Variants in PTDSS2 observed in about 807,000 individuals in gnomAD.
PTDSS2 encodes phosphatidylserine synthase 2, also known as PSS-2.
In PTDSS2, 41 loss-of-function variants were observed where a neutral mutation model predicts 64.7. The observed-to-expected ratio is 0.63, with a 90% CI of 0.49 to 0.82. The LOEUF is 0.82. PTDSS2 is among the 40% of genes least tolerant of loss of function. The pLI is 0.00. For synonymous variants in PTDSS2, 297 were observed against 277.8 expected (o/e 1.07, Z -0.69); for missense variants, 485 against 650.0 (o/e 0.75, Z 2.76).
At position 487,075 on chromosome 11, in the gene PTDSS2, T is replaced by C. The variant is rs1347701225; in HGVS notation, c.570+2T>C. 1 of 1,611,726 alleles carries C rather than the reference T, an allele frequency of 6.2e-7. No homozygotes were observed. The highest frequency in any genetic ancestry group is 8.5e-7 in the Non-Finnish European group (1 of 1,179,122). The stretch of plus-strand genomic sequence containing the variant: ...ACTGACCCCTTTCACAACATCTGGG[T>C]AAGACGCCGGGGGCCCTGAGGCGAG... On this transcript the variant is annotated splice_donor_variant, in intron 5 of 11. Transcript: ENST00000308020. LOFTEE classifies it high-confidence loss of function.
intron 7 of PTDSS2, 99 bp downstream of exon 7, chr11:488,411 C>T (rs1479827151): frequency 1.4e-5 from 18 of 1,328,354 alleles, no homozygotes; most frequent in Admixed American, 8.4e-5. Context: ...TCATTCTCCC[C>T]GGGGGGCAGT....
rs558396752 is a variant in PTDSS2, at chr11:490,789, C to T, written c.*207C>T. 2.4e-4 allele frequency: 143 copies of T among 605,826 alleles called. No individual in the cohort carries two copies. The highest frequency in any genetic ancestry group is 1.9e-3 in the African/African-American group (99 of 52,610). 37.5% of individuals were successfully genotyped at this position (605,826 alleles called of 1,614,324 possible). A position where few individuals can be genotyped will look rare whatever the true frequency, so the allele number is the denominator to read the frequency against. On this transcript the variant is annotated 3_prime_UTR_variant, in exon 12 of 12. Coordinates refer to ENST00000308020, the MANE Select transcript of PTDSS2 (RefSeq NM_030783.3). Reference sequence around the variant, plus strand: ...GTGTACACGTGTGTACGTGTGTATGCGTGTGTGTACGCGTGTGTACGCGCG... The same window carrying T: ...GTGTACACGTGTGTACGTGTGTATGTGTGTGTGTACGCGTGTGTACGCGCG...
At chr11:487,095 G>A (rs761983783) in intron 5 of PTDSS2, 22 bp downstream of exon 5, 2 of 1,605,510 alleles carry the variant, frequency 1.2e-6, no homozygotes, top group Non-Finnish European at 1.7e-6. Flanking sequence ...GGGGCCCTGA[G>A]GCGAGCCCCT....
At chr11:490,225 G>A (rs772517327) in intron 11 of PTDSS2, among the ~76,000 whole-genome samples, 157 bp downstream of exon 11, 1 of 152,156 alleles carries the variant, frequency 6.6e-6, no homozygotes, top group Non-Finnish European at 1.5e-5. Context: ...CCCAGCCCTC[G>A]GGGCCTTCGC....
At position 490,787 on chromosome 11, in the gene PTDSS2, T is replaced by TGCGTGTGTACGCGTGTAC. The variant is rs1554958712; in HGVS notation, c.*213_*214insACGCGTGTACGCGTGTGT. 2.8e-5 allele frequency: 16 copies of TGCGTGTGTACGCGTGTAC among 574,018 alleles called. No individual in the cohort carries two copies. Among genetic ancestry groups the TGCGTGTGTACGCGTGTAC allele is most frequent in the Admixed American group, 7.2e-5 (2 of 27,858 alleles). 35.6% of individuals were successfully genotyped at this position (574,018 alleles called of 1,614,324 possible). On this transcript the variant is annotated 3_prime_UTR_variant, in exon 12 of 12. Transcript: ENST00000308020. Reference sequence around the variant, plus strand: ...ATGTGTACACGTGTGTACGTGTGTATGCGTGTGTGTACGCGTGTGTACGCG... The same window carrying TGCGTGTGTACGCGTGTAC: ...ATGTGTACACGTGTGTACGTGTGTATGCGTGTGTACGCGTGTACGCGTGTGTGTACGCGTGTGTACGCG...
In PTDSS2 at chr11:462,328, G is replaced by C. The variant is rs1185378474; in HGVS notation, c.284+2040G>C. 2.6e-5 allele frequency among the ~76,000 whole-genome samples: 4 copies of C among 152,138 alleles called. No individual in the cohort carries two copies. Among genetic ancestry groups the C allele is most frequent in the Admixed American group, 1.3e-4 (2 of 15,278 alleles). ...GAGTGGCCCCCGACGTGAGAGGCTGGGTTCTGCCATCCTGTCCTCTCCAGC... is the reference window on the plus strand; with the variant it reads ...GAGTGGCCCCCGACGTGAGAGGCTGCGTTCTGCCATCCTGTCCTCTCCAGC... On this transcript the variant is annotated intron_variant, in intron 2 of 11. Coordinates refer to ENST00000308020, the MANE Select transcript of PTDSS2 (RefSeq NM_030783.3). The surrounding 1 kb of genome is among the most constrained non-coding windows in gnomAD (Gnocchi z 4.5).
intron 1 of PTDSS2, among the ~76,000 whole-genome samples, chr11:456,417 TC>T (rs1846600674): frequency 6.6e-6 from 1 of 151,506 alleles, no homozygotes; most frequent in Admixed American, 6.6e-5. Context: ...GCTCAAGTGA[TC>T]CTCCTGCCTC....
At chr11:456,096 T>G (rs950805164) in intron 1 of PTDSS2, among the ~76,000 whole-genome samples, 11 of 152,128 alleles carry the variant, frequency 7.2e-5, no homozygotes, top group Non-Finnish European at 1.6e-4. Context: ...CTCCTGGCTG[T>G]CATCACGTCG....
Position 470,248 on chromosome 11 carries a change from A to G in PTDSS2, c.285-3647A>G, listed in dbSNP as rs1847359484. Among the ~76,000 whole-genome samples the G allele has an allele frequency of 1.3e-5, 2 of 152,180 alleles. No homozygotes were observed. The highest frequency in any genetic ancestry group is 2.1e-4 in the South Asian group (1 of 4,834). ...AGGTCAGCATGCACTGGTCATGTTC[A>G]TGGCGTGGCCGACGGGGAGGCTGCT... is the stretch of plus-strand genomic sequence containing the variant. On this transcript the variant is annotated intron_variant, in intron 2 of 11. Transcript: ENST00000308020. The surrounding 1 kb of genome is among the most constrained non-coding windows in gnomAD (Gnocchi z 5.3).
intron 1 of PTDSS2, chr11:459,309 G>A (rs1168684592): frequency 1.5e-5 from 2 of 131,882 alleles, no homozygotes; most frequent in African/African-American, 6.2e-5. Flanking sequence ...CACTCCGGTG[G>A]ATGTCGGACC....
chr11:480,726 T>C (rs1051603191), intron 4 of PTDSS2: 2 of 152,394 alleles, frequency 1.3e-5, no homozygotes, highest in African/African-American at 4.8e-5. Flanking sequence ...GCGCCACTAA[T>C]TTATTGTATT....
intron 4 of PTDSS2, among the ~76,000 whole-genome samples, chr11:485,177 G>A (rs1430588641): frequency 7.2e-6 from 1 of 139,054 alleles, no homozygotes; most frequent in Non-Finnish European, 1.5e-5. Context: ...TGCTCACTGC[G>A]CAGGCGAGTG....
In PTDSS2 at chr11:470,089, G is replaced by T. The variant is rs1847349211; in HGVS notation, c.285-3806G>T. ...GGTAGATCCCCCCATTCCAGGAGCT[G>T]GCGTGAGCTCCCGGCACCGCTGTGC... On this transcript the variant is annotated intron_variant, in intron 2 of 11. Coordinates refer to ENST00000308020, the MANE Select transcript of PTDSS2 (RefSeq NM_030783.3). The surrounding 1 kb of genome is among the most constrained non-coding windows in gnomAD (Gnocchi z 5.3). Among the ~76,000 whole-genome samples, 2 of 152,216 alleles carry T rather than the reference G, an allele frequency of 1.3e-5. No homozygotes were observed. The highest frequency in any genetic ancestry group is 1.3e-4 in the Admixed American group (2 of 15,286).
intron 4 of PTDSS2, among the ~76,000 whole-genome samples, chr11:485,694 T>C: frequency 7.6e-6 from 1 of 131,712 alleles, no homozygotes; most frequent in Non-Finnish European, 1.7e-5. Context: ...GGCGCGTGTG[T>C]GCTCACTGCG....
chr11:463,769 A>G (rs1195821190), intron 2 of PTDSS2: 1 of 151,834 alleles, frequency 6.6e-6, no homozygotes, highest in East Asian at 1.9e-4. Flanking sequence ...GATGGTCTCG[A>G]TCTCCTGACT....
chr11:473,047 A>G (rs1847552132), intron 2 of PTDSS2, among the ~76,000 whole-genome samples: 1 of 152,242 alleles, frequency 6.6e-6, no homozygotes, highest in African/African-American at 2.4e-5. Context: ...GCGGGTCCAC[A>G]CCTTGGGTGC....
At chr11:487,494 C>A (rs1848446968) in intron 6 of PTDSS2, 24 bp downstream of exon 6, 14 of 1,611,456 alleles carry the variant, frequency 8.7e-6, no homozygotes, top group African/African-American at 1.3e-5. Flanking sequence ...TCTTCCCGGC[C>A]TCCCCGCCCC....
chr11:482,802 G>A (rs1848130546), intron 4 of PTDSS2, among the ~76,000 whole-genome samples: 1 of 149,658 alleles, frequency 6.7e-6, no homozygotes, highest in African/African-American at 2.5e-5. Flanking sequence ...CCTACCGAGT[G>A]GAGAAGGTTC....
At position 478,856 on chromosome 11, in the gene PTDSS2, A is replaced by C. The variant is rs114992114; in HGVS notation, c.368-229A>C. Among the ~76,000 whole-genome samples the C allele has an allele frequency of 5.7e-3, 866 of 152,376 alleles. 6 individuals are homozygous for C. Among genetic ancestry groups the C allele is most frequent in the African/African-American group, 0.02 (834 of 41,588 alleles). On this transcript the variant is annotated intron_variant, in intron 3 of 11. Coordinates refer to ENST00000308020, the MANE Select transcript of PTDSS2 (RefSeq NM_030783.3). ...TGCTTCTGTGCAACAATTTATGGGC[A>C]AAAGATTTGAGTACTGGAATGGAAA...
Sources: allele counts gnomAD v4.1 joint callset (sites outside exome capture counted in the v4.1 genomes callset), GRCh38; gene constraint gnomAD v4.1.1; non-coding constraint Gnocchi (gnomAD v3.1); transcripts MANE v1.5; gene names NCBI Gene and HGNC (gene_info 2026-07-23, HGNC 2026-07-21).